Variants in ARMC2 observed in about 807,000 individuals in gnomAD.
ARMC2 encodes the protein armadillo repeat containing 2, also known as armadillo repeat-containing protein 2.
In ARMC2, 67 loss-of-function variants were observed where a neutral mutation model predicts 90.3. The ratio of observed to expected loss-of-function variants is 0.74; its 90% CI spans 0.61 to 0.91. ARMC2 has a LOEUF of 0.91. Among genes scored for constraint, ARMC2 ranks in the 40% least tolerant of loss-of-function variants. ARMC2 has a pLI of 0.00. For synonymous variants in ARMC2, 393 were observed against 393.0 expected (o/e 1.00, Z 0.00); for missense variants, 920 against 1,030.9 (o/e 0.89, Z 1.47).
chr6:108,984,341 A>T, the ARMC2 span, among the ~76,000 whole-genome samples: 5 of 152,038 alleles, frequency 3.3e-5, no homozygotes, highest in Non-Finnish European at 5.9e-5. Context: ...TATTGCTCAC[A>T]GTTTTGGAGG....
chr6:108,933,610 A>G (rs1775749359), intron 11 of ARMC2, among the ~76,000 whole-genome samples: 1 of 152,174 alleles, frequency 6.6e-6, no homozygotes. Flanking sequence ...CCCTTCTGCA[A>G]ACAGAGATAG....
At chr6:108,877,870 A>G (rs1423127273) in intron 5 of ARMC2, among the ~76,000 whole-genome samples, 1 of 152,220 alleles carries the variant, frequency 6.6e-6, no homozygotes, top group African/African-American at 2.4e-5. Flanking sequence ...ATCAGTTAGC[A>G]CTTCTTCCTC....
In ARMC2 at chr6:108,973,239, G is replaced by T. The variant is rs538820675; in HGVS notation, c.2447-118G>T. 1.9e-4 allele frequency: 135 copies of T among 694,380 alleles called. No individual in the cohort carries two copies. The African/African-American group carries it at 2.2e-3, about 11-fold the overall frequency. 43.0% of individuals were successfully genotyped at this position (694,380 alleles called of 1,614,324 possible). ...GAACTTCTCTGAAATCCTGTCTTGT[G>T]TTACGTTGGTATTAAAGGACGACCC... On this transcript the variant is annotated intron_variant, in intron 17 of 17. Transcript: ENST00000392644.
At chr6:108,892,933 C>T (rs944757089) in intron 5 of ARMC2, among the ~76,000 whole-genome samples, 1 of 152,222 alleles carries the variant, frequency 6.6e-6, no homozygotes, top group Non-Finnish European at 1.5e-5. Flanking sequence ...CAGATGTTCA[C>T]AGGGACTATC....
At chr6:109,009,632 C>G in the ARMC2 span, 2 of 938,574 alleles carry the variant, frequency 2.1e-6, no homozygotes, top group African/African-American at 1.8e-5. Context: ...CTGGCGGCCA[C>G]GCAAGCCAAT....
At chr6:108,881,521 A>G (rs1777582019) in intron 5 of ARMC2, among the ~76,000 whole-genome samples, 1 of 152,172 alleles carries the variant, frequency 6.6e-6, no homozygotes, top group Non-Finnish European at 1.5e-5. Flanking sequence ...TGAGTCTTTT[A>G]ATTCAGAAAG....
chr6:109,024,375 A>G, the ARMC2 span, among the ~76,000 whole-genome samples: 3 of 152,220 alleles, frequency 2.0e-5, no homozygotes, highest in African/African-American at 7.2e-5. Flanking sequence ...AAAATTCTAT[A>G]AAGCAGAAAT....
At chr6:108,990,557 G>T in the ARMC2 span, 1 of 1,146,330 alleles carries the variant, frequency 8.7e-7, no homozygotes, top group Non-Finnish European at 1.3e-6. Context: ...TTGATTATGT[G>T]TGTGTCTATG....
intron 7 of ARMC2, among the ~76,000 whole-genome samples, chr6:108,902,305 A>C (rs1772235210): frequency 6.6e-6 from 1 of 152,120 alleles, no homozygotes; most frequent in Non-Finnish European, 1.5e-5. Flanking sequence ...TTAAAATTTG[A>C]CCCTTGAGCC....
chr6:108,975,168 CT>C (rs549457016), downstream of ARMC2, among the ~76,000 whole-genome samples: 9 of 152,164 alleles, frequency 5.9e-5, 1 homozygote, highest in South Asian at 1.7e-3. Context: ...CCCCAACCCC[CT>C]GATGGACCCC....
At chr6:109,049,459 G>A in the ARMC2 span, among the ~76,000 whole-genome samples, 5 of 152,136 alleles carry the variant, frequency 3.3e-5, no homozygotes, top group African/African-American at 9.6e-5. Context: ...ATAAGTTCTA[G>A]TGTTCCATAG....
At chr6:108,972,342 A>G (rs1215856229) in intron 17 of ARMC2, among the ~76,000 whole-genome samples, 2 of 152,302 alleles carry the variant, frequency 1.3e-5, no homozygotes, top group South Asian at 2.1e-4. Context: ...GGGATTCCCA[A>G]GGTCTCTCAG....
chr6:109,040,912 A>G, the ARMC2 span, among the ~76,000 whole-genome samples: 2 of 152,002 alleles, frequency 1.3e-5, no homozygotes, highest in South Asian at 4.1e-4. Flanking sequence ...TCAGCCTCCC[A>G]AAGTGCTGGG....
At chr6:108,985,360 T>A in the ARMC2 span, among the ~76,000 whole-genome samples, 9 of 152,132 alleles carry the variant, frequency 5.9e-5, no homozygotes, top group African/African-American at 2.2e-4. Context: ...AGAAGAAAAT[T>A]TTCCTCTGGT....
intron 11 of ARMC2, among the ~76,000 whole-genome samples, chr6:108,934,682 C>G (rs1310943797): frequency 1.3e-5 from 2 of 152,064 alleles, no homozygotes; most frequent in African/African-American, 4.8e-5. Flanking sequence ...AATTTCTTCC[C>G]ATATGGTTAT....
chr6:108,973,440 G>A lies in ARMC2; in HGVS notation c.2530G>A (p.Val844Met). Residue 844 changes from valine to methionine, a missense_variant, in exon 18 of 18, where the codon GTG becomes ATG. Transcript: ENST00000392644. ...CCATTGGGAAACAGAATTCAAACCT[G>A]TGGCACAGCAGCTTCTAAACCGAAT... is the stretch of plus-strand genomic sequence containing the variant. ...KLHWETEFKP[V>M]AQQLLNRIQR... is the part of the protein sequence containing the mutation. 1 of 1,613,894 alleles carries A rather than the reference G, an allele frequency of 6.2e-7. No homozygotes were observed. The highest frequency in any genetic ancestry group is 8.5e-7 in the Non-Finnish European group (1 of 1,179,818).
intron 11 of ARMC2, among the ~76,000 whole-genome samples, chr6:108,929,896 C>T (rs1029000073): frequency 3.9e-5 from 6 of 152,040 alleles, no homozygotes; most frequent in Admixed American, 3.3e-4. Context: ...TCACTTAAGC[C>T]CAAGAATCTG....
At chr6:108,883,951 A>T (rs1023430531) in intron 5 of ARMC2, among the ~76,000 whole-genome samples, 1 of 151,942 alleles carries the variant, frequency 6.6e-6, no homozygotes, top group African/African-American at 2.4e-5. Flanking sequence ...GGGTGGTGGG[A>T]TCCTGGATAA....
the ARMC2 span, among the ~76,000 whole-genome samples, chr6:109,045,674 C>G: frequency 6.6e-6 from 1 of 152,204 alleles, no homozygotes; most frequent in African/African-American, 2.4e-5. Flanking sequence ...AGCGCTTACC[C>G]TGGCTACTCC....
Sources: allele counts gnomAD v4.1 joint callset (sites outside exome capture counted in the v4.1 genomes callset), GRCh38; gene constraint gnomAD v4.1.1; transcripts MANE v1.5; gene names NCBI Gene and HGNC (gene_info 2026-07-23, HGNC 2026-07-21).